Variants in CHRM3 observed in about 807,000 individuals in gnomAD.
CHRM3 encodes the protein cholinergic receptor muscarinic 3, also known as muscarinic acetylcholine receptor M3.
CHRM3 carries 11 observed loss-of-function variants against 41.8 expected under a neutral mutation model. The ratio of observed to expected loss-of-function variants is 0.26; its 90% CI spans 0.17 to 0.44. The LOEUF is 0.44. CHRM3 is among the 20% of genes least tolerant of loss of function. The pLI, the probability that CHRM3 is intolerant of heterozygous loss-of-function variation, is 1.00. For synonymous variants in CHRM3, 297 were observed against 301.4 expected (o/e 0.99, Z 0.15); for missense variants, 571 against 745.4 (o/e 0.77, Z 2.72).
intron 3 of CHRM3, among the ~76,000 whole-genome samples, chr1:239,611,654 C>T (rs893671340): frequency 1.7e-4 from 26 of 151,998 alleles, no homozygotes; most frequent in Non-Finnish European, 3.2e-4. Flanking sequence ...CTCCTGACCT[C>T]GTGATCCGCC....
intron 1 of CHRM3, among the ~76,000 whole-genome samples, chr1:239,405,290 T>G (rs1443195060): frequency 6.6e-6 from 1 of 152,144 alleles, no homozygotes. Context: ...TTTCCAACCA[T>G]TCCACTGGTA....
chr1:239,691,045 A>G (rs1046715175), intron 5 of CHRM3, among the ~76,000 whole-genome samples: 6 of 151,966 alleles, frequency 3.9e-5, no homozygotes, highest in African/African-American at 1.2e-4. Context: ...GGAAGCAAAG[A>G]CCTTATATCA....
At chr1:239,631,130 G>A (rs560682139) in intron 3 of CHRM3, among the ~76,000 whole-genome samples, 1 of 152,232 alleles carries the variant, frequency 6.6e-6, no homozygotes, top group South Asian at 2.1e-4. Context: ...TGAAGAAGGA[G>A]CAATTACTCT....
intron 4 of CHRM3, among the ~76,000 whole-genome samples, chr1:239,660,471 T>C (rs1386521666): frequency 6.6e-6 from 1 of 152,196 alleles, no homozygotes. Context: ...ACAGACCGTA[T>C]AAGTCTAAGA....
intron 2 of CHRM3, among the ~76,000 whole-genome samples, chr1:239,507,421 C>T (rs1229772463): frequency 1.3e-5 from 2 of 152,218 alleles, no homozygotes; most frequent in Non-Finnish European, 2.9e-5. Flanking sequence ...CCATGTGAGA[C>T]ATGCCTCCAC....
intron 5 of CHRM3, among the ~76,000 whole-genome samples, chr1:239,721,617 G>A (rs962976233): frequency 2.6e-5 from 4 of 151,774 alleles, no homozygotes; most frequent in Admixed American, 1.3e-4. Flanking sequence ...GGATTGAAAA[G>A]GACTCAAAAA....
At chr1:239,398,837 C>A (rs1306588176) in intron 1 of CHRM3, among the ~76,000 whole-genome samples, 2 of 152,122 alleles carry the variant, frequency 1.3e-5, no homozygotes, top group Admixed American at 1.3e-4. Context: ...TTTTTCTTAA[C>A]CTTTCAGTTT....
intron 3 of CHRM3, among the ~76,000 whole-genome samples, chr1:239,618,297 A>G (rs1398342875): frequency 2.0e-5 from 2 of 102,176 alleles, no homozygotes; most frequent in Admixed American, 1.0e-4. Flanking sequence ...TTTTTTTTTA[A>G]TGACAAGCAG....
chr1:239,539,656 A>T (rs1363546161), intron 2 of CHRM3, among the ~76,000 whole-genome samples: 1 of 152,088 alleles, frequency 6.6e-6, no homozygotes, highest in Non-Finnish European at 1.5e-5. Context: ...TTGAGACAAG[A>T]TCTCACTCTA....
intron 6 of CHRM3, among the ~76,000 whole-genome samples, chr1:239,828,823 A>T (rs1010085642): frequency 1.1e-4 from 17 of 152,294 alleles, no homozygotes; most frequent in Non-Finnish European, 2.1e-4. Flanking sequence ...TGGAAGTGTC[A>T]CTCTGCCTGC....
chr1:239,635,112 T>A (rs12037424), intron 4 of CHRM3, among the ~76,000 whole-genome samples: 1 of 152,058 alleles, frequency 6.6e-6, no homozygotes, highest in African/African-American at 2.4e-5. Flanking sequence ...GAATCCCTTG[T>A]CTCTTTTGTT....
chr1:239,713,004 G>C (rs1225138907), intron 5 of CHRM3, among the ~76,000 whole-genome samples: 1 of 152,088 alleles, frequency 6.6e-6, no homozygotes, highest in African/African-American at 2.4e-5. Flanking sequence ...CCTGACACAG[G>C]GCCAGAAGCC....
At chr1:239,697,105 C>A (rs534634293) in intron 5 of CHRM3, among the ~76,000 whole-genome samples, 1 of 152,236 alleles carries the variant, frequency 6.6e-6, no homozygotes, top group South Asian at 2.1e-4. Flanking sequence ...AGTAAATATG[C>A]AAGTAATATC....
chr1:239,615,329 C>T (rs1328947377), intron 3 of CHRM3, among the ~76,000 whole-genome samples: 2 of 152,132 alleles, frequency 1.3e-5, no homozygotes, highest in African/African-American at 2.4e-5. Flanking sequence ...TTAGAGAAGA[C>T]ACAGGTACTT....
At chr1:239,737,472 T>A (rs903748792) in intron 5 of CHRM3, among the ~76,000 whole-genome samples, 1 of 152,140 alleles carries the variant, frequency 6.6e-6, no homozygotes, top group Non-Finnish European at 1.5e-5. Context: ...TTTAGAGGTG[T>A]TCAGATGTTT....
intron 5 of CHRM3, among the ~76,000 whole-genome samples, chr1:239,733,969 A>G (rs1029024124): frequency 6.6e-6 from 1 of 152,096 alleles, no homozygotes; most frequent in Non-Finnish European, 1.5e-5. Context: ...AGAATTTTTT[A>G]AAGGACAGAA....
At chr1:239,525,712 A>C (rs1669949322) in intron 2 of CHRM3, among the ~76,000 whole-genome samples, 1 of 152,284 alleles carries the variant, frequency 6.6e-6, no homozygotes, top group Non-Finnish European at 1.5e-5. Context: ...AAATAGATTT[A>C]ATTTGCAACT....
chr1:239,881,011 C>T (rs1394067120), intron 6 of CHRM3, among the ~76,000 whole-genome samples: 3 of 151,812 alleles, frequency 2.0e-5, no homozygotes, highest in South Asian at 4.2e-4. Flanking sequence ...GGGCCGGGCG[C>T]GGTGGCTCAC....
At chr1:239,500,805 G>A (rs2148130943) in intron 2 of CHRM3, among the ~76,000 whole-genome samples, 1 of 152,182 alleles carries the variant, frequency 6.6e-6, no homozygotes, top group South Asian at 2.1e-4. Flanking sequence ...AATGTAAGTG[G>A]CCTAAATGCT....
Sources: allele counts gnomAD v4.1 joint callset (sites outside exome capture counted in the v4.1 genomes callset), GRCh38; gene constraint gnomAD v4.1.1; transcripts MANE v1.5; gene names NCBI Gene and HGNC (gene_info 2026-07-23, HGNC 2026-07-21).